The following CTIF variants were observed in gnomAD, a reference collection of about 807,000 sequenced individuals.
The protein encoded by CTIF is cap binding complex dependent translation initiation factor.
In CTIF, 21 loss-of-function variants were observed where a neutral mutation model predicts 66.0. The observed-to-expected ratio is 0.32, with a 90% CI of 0.23 to 0.46. The LOEUF is 0.46. Ranked by LOEUF, CTIF falls within the 20% of genes least tolerant of loss-of-function variation. The probability of loss-of-function intolerance (pLI) is 1.00; values close to 1 mark genes in which losing one functional copy is unlikely to be tolerated. For synonymous variants in CTIF, 345 were observed against 326.4 expected (o/e 1.06, Z -0.62); for missense variants, 739 against 812.7 (o/e 0.91, Z 1.10).
At chr18:48,582,057 C>T (rs870213) in intron 1 of CTIF, among the ~76,000 whole-genome samples, 6,841 of 151,308 alleles carry the variant, frequency 0.045, 522 homozygotes, top group African/African-American at 0.15. Context: ...ACCTCCTGTG[C>T]GATTTGGTGT....
intron 3 of CTIF, among the ~76,000 whole-genome samples, chr18:48,650,164 G>T (rs968182898): frequency 3.3e-5 from 5 of 152,214 alleles, no homozygotes; most frequent in Non-Finnish European, 5.9e-5. Context: ...CAGAAGGTCG[G>T]TAATAACAAA....
intron 1 of CTIF, among the ~76,000 whole-genome samples, chr18:48,602,173 G>C (rs1242378991): frequency 1.3e-5 from 2 of 152,194 alleles, no homozygotes; most frequent in African/African-American, 2.4e-5. Flanking sequence ...GCCATGTATT[G>C]AGTATGAATG....
At chr18:48,719,581 C>T (rs552864932) in intron 7 of CTIF, among the ~76,000 whole-genome samples, 1 of 152,336 alleles carries the variant, frequency 6.6e-6, no homozygotes, top group Non-Finnish European at 1.5e-5. Flanking sequence ...ACTCAATACT[C>T]ATGGTGTTTT....
chr18:48,708,743 A>G (rs1053082407), intron 6 of CTIF, among the ~76,000 whole-genome samples: 6 of 152,194 alleles, frequency 3.9e-5, no homozygotes, highest in East Asian at 1.9e-4. Flanking sequence ...CAAAAACAGC[A>G]TAAAATAGAG....
chr18:48,826,859 G>C (rs1162098544), intron 10 of CTIF: 1 of 152,214 alleles, frequency 6.6e-6, no homozygotes, highest in Non-Finnish European at 1.5e-5. Flanking sequence ...CTGAAATTAA[G>C]CAGCCATGAA....
intron 1 of CTIF, among the ~76,000 whole-genome samples, chr18:48,568,632 G>GTAAAAAAAAAAA (rs2089331321): frequency 4.7e-5 from 1 of 21,346 alleles, no homozygotes; most frequent in Non-Finnish European, 1.4e-4. Flanking sequence ...TGGGCAATTT[G>GTAAAAAAAAAAA]TAAAAAAAAA....
At chr18:48,839,203 T>C (rs1599141900) in intron 10 of CTIF, among the ~76,000 whole-genome samples, 1 of 152,156 alleles carries the variant, frequency 6.6e-6, no homozygotes, top group Non-Finnish European at 1.5e-5. Context: ...TCACCCCTCC[T>C]GTTCTCAGTC....
intron 6 of CTIF, among the ~76,000 whole-genome samples, chr18:48,674,745 G>A (rs1170851228): frequency 3.3e-5 from 5 of 152,204 alleles, no homozygotes; most frequent in Non-Finnish European, 5.9e-5. Flanking sequence ...GACAGTAGGT[G>A]TCTGTGTCCA....
chr18:48,546,007 C>T (rs771813002), intron 1 of CTIF, among the ~76,000 whole-genome samples: 34 of 152,150 alleles, frequency 2.2e-4, no homozygotes, highest in Non-Finnish European at 1.3e-4. Flanking sequence ...AGAGGCATTT[C>T]GCTTTTTAAC....
intron 5 of CTIF, among the ~76,000 whole-genome samples, chr18:48,669,795 A>ATATT (rs1555669202): frequency 4.1e-4 from 14 of 33,798 alleles, no homozygotes; most frequent in African/African-American, 2.1e-3. Flanking sequence ...CTAAACATTT[A>ATATT]TATATATATA....
intron 7 of CTIF, among the ~76,000 whole-genome samples, chr18:48,728,564 G>A (rs1270414429): frequency 1.3e-5 from 2 of 152,148 alleles, no homozygotes; most frequent in Non-Finnish European, 2.9e-5. Flanking sequence ...GCGGTCATCT[G>A]ACACTTGACT....
intron 9 of CTIF, among the ~76,000 whole-genome samples, chr18:48,809,377 T>G (rs1174329563): frequency 1.3e-5 from 2 of 152,176 alleles, no homozygotes; most frequent in Admixed American, 1.3e-4. Context: ...TCAAGCCTAT[T>G]GAAGTAATAC....
At chr18:48,727,588 G>T (rs1245580666) in intron 7 of CTIF, among the ~76,000 whole-genome samples, 1 of 152,104 alleles carries the variant, frequency 6.6e-6, no homozygotes, top group Non-Finnish European at 1.5e-5. Flanking sequence ...TATTGAGTCT[G>T]TTCCACCAAA....
At chr18:48,704,393 T>C (rs148600137) in intron 6 of CTIF, among the ~76,000 whole-genome samples, 103 of 152,302 alleles carry the variant, frequency 6.8e-4, no homozygotes, top group African/African-American at 2.5e-3. Flanking sequence ...AAATTCAAAA[T>C]TTGGCAAAGG....
At chr18:48,688,354 C>A (rs145538256) in intron 6 of CTIF, 1 of 152,228 alleles carries the variant, frequency 6.6e-6, no homozygotes, top group Non-Finnish European at 1.5e-5. Flanking sequence ...GGTATACTTG[C>A]GATGGGGCTG....
At position 48,670,597 on chromosome 18, in the gene CTIF, C is replaced by T. The variant is rs755876988; in HGVS notation, c.432-72C>T. 2.9e-6 allele frequency: 4 copies of T among 1,398,624 alleles called. No homozygotes were observed. The East Asian group carries it at 6.9e-5, about 24-fold the overall frequency. 86.6% of individuals were successfully genotyped at this position (1,398,624 alleles called of 1,614,324 possible). A position where few individuals can be genotyped will look rare whatever the true frequency, so the allele number is the denominator to read the frequency against. On this transcript the variant is annotated intron_variant, in intron 5 of 11. Coordinates refer to ENST00000256413, the MANE Select transcript of CTIF (RefSeq NM_014772.3). ...GGTATCTGCTGACTGTCCCTCCTCTCCTGCTGGCCGGATGGGACAGGAGGC... is the reference window on the plus strand; with the variant it reads ...GGTATCTGCTGACTGTCCCTCCTCTTCTGCTGGCCGGATGGGACAGGAGGC...
chr18:48,617,741 C>T lies in CTIF; in HGVS notation c.-28-1797C>T, dbSNP rs565994038. Among the ~76,000 whole-genome samples the T allele has an allele frequency of 3.3e-5, 5 of 152,332 alleles. No homozygotes were observed. In the East Asian group the frequency reaches 9.6e-4, roughly 29 times the overall value. Reference sequence around the variant, plus strand: ...AGCTGACTCCCTGAGGACCTGCTGCCACCCTTGCCTCCACATCTGGTTCCC... The same window carrying T: ...AGCTGACTCCCTGAGGACCTGCTGCTACCCTTGCCTCCACATCTGGTTCCC... On this transcript the variant is annotated intron_variant, in intron 1 of 11. Coordinates refer to ENST00000256413, the MANE Select transcript of CTIF (RefSeq NM_014772.3).
chr18:48,668,188 C>T (rs1172907580), intron 5 of CTIF, among the ~76,000 whole-genome samples: 3 of 152,234 alleles, frequency 2.0e-5, no homozygotes, highest in South Asian at 2.1e-4. Context: ...GGCGCTGAGG[C>T]GAGAACAGAA....
chr18:48,679,007 G>A (rs1311938164), intron 6 of CTIF, among the ~76,000 whole-genome samples: 2 of 152,218 alleles, frequency 1.3e-5, no homozygotes, highest in Non-Finnish European at 2.9e-5. Context: ...CTTGCTGTGT[G>A]GACCCTATCG....
Sources: allele counts gnomAD v4.1 joint callset (sites outside exome capture counted in the v4.1 genomes callset), GRCh38; gene constraint gnomAD v4.1.1; transcripts MANE v1.5; gene names NCBI Gene and HGNC (gene_info 2026-07-23, HGNC 2026-07-21).